The following SUGCT variants were observed in gnomAD, a reference collection of about 807,000 sequenced individuals.
SUGCT encodes the protein succinyl-CoA:glutarate CoA-transferase.
A neutral mutation model predicts 55.0 loss-of-function variants in SUGCT; 41 were observed. The observed-to-expected ratio is 0.74, with a 90% CI of 0.58 to 0.97. The LOEUF is 0.97. Among genes scored for constraint, SUGCT ranks in the 50% least tolerant of loss-of-function variants. The pLI is 0.00. For synonymous variants in SUGCT, 187 were observed against 200.4 expected (o/e 0.93, Z 0.56); for missense variants, 568 against 547.8 (o/e 1.04, Z -0.37).
chr7:40,636,867 T>C (rs1051646602), intron 12 of SUGCT, among the ~76,000 whole-genome samples: 1 of 152,220 alleles, frequency 6.6e-6, no homozygotes, highest in Non-Finnish European at 1.5e-5. Context: ...AAATGGTCCT[T>C]TTGGATACAT....
intron 12 of SUGCT, among the ~76,000 whole-genome samples, chr7:40,747,244 C>T (rs1044158877): frequency 3.9e-5 from 6 of 152,046 alleles, no homozygotes; most frequent in African/African-American, 9.7e-5. Context: ...GAGCATCACC[C>T]GAAAAGTGGT....
the SUGCT span, among the ~76,000 whole-genome samples, chr7:41,027,403 A>G: frequency 2.0e-5 from 3 of 152,242 alleles, no homozygotes; most frequent in Admixed American, 2.0e-4. Flanking sequence ...TGTGGTGACC[A>G]TGAGCAGAAA....
At chr7:40,821,092 C>T (rs921052893) in intron 13 of SUGCT, among the ~76,000 whole-genome samples, 2 of 152,182 alleles carry the variant, frequency 1.3e-5, no homozygotes, top group African/African-American at 4.8e-5. Context: ...GTTGAGCCAA[C>T]CTTGCATCCC....
At chr7:40,515,244 G>C (rs2151561529) in intron 12 of SUGCT, among the ~76,000 whole-genome samples, 1 of 152,214 alleles carries the variant, frequency 6.6e-6, no homozygotes, top group Admixed American at 6.5e-5. Flanking sequence ...TTGTCTTCCA[G>C]CTTTATAATT....
At chr7:40,915,274 C>T in the SUGCT span, among the ~76,000 whole-genome samples, 174 of 152,152 alleles carry the variant, frequency 1.1e-3, no homozygotes, top group Middle Eastern at 6.8e-3. Context: ...GACAGAGCAC[C>T]GGTCTTATCA....
chr7:40,893,014 TG>T, the SUGCT span, among the ~76,000 whole-genome samples: 2 of 151,080 alleles, frequency 1.3e-5, no homozygotes, highest in African/African-American at 2.4e-5. Flanking sequence ...GGAGCAGGAG[TG>T]GTTATATTTA....
rs1554338574 is a variant in SUGCT at position 40,439,061 on chromosome 7, G to GT, written c.817-10226_817-10225insT. On this transcript the variant is annotated intron_variant, in intron 9 of 13. Coordinates refer to ENST00000335693, the MANE Select transcript of SUGCT (RefSeq NM_001193313.2). ...GTATATATATATATGGTATATATAT[G>GT]GTGTATATATATATATATATATATA... Among the ~76,000 whole-genome samples, 44 of 51,870 alleles carry GT rather than the reference G, an allele frequency of 8.5e-4. 3 individuals are homozygous for GT. Among genetic ancestry groups the GT allele is most frequent in the African/African-American group, 5.1e-3 (43 of 8,432 alleles). The allele number at this position is 51,870 out of a possible 152,430, so 34.0% of individuals were successfully genotyped here. A position where few individuals can be genotyped will look rare whatever the true frequency, so the allele number is the denominator to read the frequency against.
chr7:40,890,819 G>T, the SUGCT span, among the ~76,000 whole-genome samples: 1 of 152,164 alleles, frequency 6.6e-6, no homozygotes, highest in East Asian at 1.9e-4. Flanking sequence ...GTAATCTAAA[G>T]AAATGGATAT....
chr7:40,960,401 TAC>T, the SUGCT span, among the ~76,000 whole-genome samples: 215 of 152,326 alleles, frequency 1.4e-3, 4 homozygotes, highest in Admixed American at 0.014. Context: ...TCAGTCATGG[TAC>T]ATAAATGACA....
At chr7:40,525,359 T>C (rs985769308) in intron 12 of SUGCT, among the ~76,000 whole-genome samples, 2 of 152,200 alleles carry the variant, frequency 1.3e-5, no homozygotes, top group Non-Finnish European at 2.9e-5. Flanking sequence ...GTAGCCAAGC[T>C]GTGAAGATGT....
At chr7:40,691,956 A>T (rs1243937510) in intron 12 of SUGCT, among the ~76,000 whole-genome samples, 18 of 152,322 alleles carry the variant, frequency 1.2e-4, no homozygotes, top group African/African-American at 3.6e-4. Context: ...TATTGAAATG[A>T]TCTATTTCAT....
At chr7:40,264,425 T>A (rs1412471870) in intron 7 of SUGCT, among the ~76,000 whole-genome samples, 1 of 152,164 alleles carries the variant, frequency 6.6e-6, no homozygotes, top group Non-Finnish European at 1.5e-5. Flanking sequence ...ATTTTTAGTA[T>A]CAATTAGTGG....
intron 1 of SUGCT, among the ~76,000 whole-genome samples, chr7:40,176,898 G>A (rs1784950687): frequency 6.7e-6 from 1 of 148,224 alleles, no homozygotes; most frequent in Admixed American, 6.9e-5. Flanking sequence ...ACTTGAACCT[G>A]GGAAGCGGAG....
intron 9 of SUGCT, among the ~76,000 whole-genome samples, chr7:40,374,370 T>C (rs1291137787): frequency 1.3e-5 from 2 of 152,170 alleles, no homozygotes; most frequent in East Asian, 1.9e-4. Context: ...TTCAGAAATA[T>C]TAATTCCCTT....
intron 10 of SUGCT, among the ~76,000 whole-genome samples, chr7:40,455,822 A>G (rs1391847228): frequency 6.6e-6 from 1 of 152,188 alleles, no homozygotes; most frequent in African/African-American, 2.4e-5. Context: ...CTGAGTTATC[A>G]TATTTTCTAT....
intron 3 of SUGCT, among the ~76,000 whole-genome samples, chr7:40,182,578 A>AAG (rs1269888228): frequency 2.3e-4 from 35 of 150,840 alleles, no homozygotes; most frequent in African/African-American, 8.1e-4. Flanking sequence ...AAAAAAAAAA[A>AAG]TGAAAAAAAA....
rs189847858 is a variant in SUGCT, at chr7:40,366,117, A to G, written c.816+49262A>G. On this transcript the variant is annotated intron_variant, in intron 9 of 13. Coordinates refer to ENST00000335693, the MANE Select transcript of SUGCT (RefSeq NM_001193313.2). ...CCCTCAGAAATAACGCCACATATCT[A>G]CAACTATCCGATCTTTGACAAACCT... 1.2e-3 allele frequency among the ~76,000 whole-genome samples: 178 copies of G among 152,314 alleles called. 2 individuals are homozygous for G. The highest frequency in any genetic ancestry group is 4.0e-3 in the African/African-American group (165 of 41,566).
chr7:40,895,570 A>T, the SUGCT span, among the ~76,000 whole-genome samples: 2 of 152,224 alleles, frequency 1.3e-5, no homozygotes, highest in Non-Finnish European at 2.9e-5. Flanking sequence ...GATACACCAT[A>T]TTAACAGAAT....
intron 9 of SUGCT, among the ~76,000 whole-genome samples, chr7:40,322,212 T>TGG (rs1177627097): frequency 4.6e-5 from 7 of 152,184 alleles, no homozygotes; most frequent in African/African-American, 1.7e-4. Context: ...CTGTTCTGAA[T>TGG]AGCATAAGAA....
Sources: allele counts gnomAD v4.1 joint callset (sites outside exome capture counted in the v4.1 genomes callset), GRCh38; gene constraint gnomAD v4.1.1; transcripts MANE v1.5; gene names NCBI Gene and HGNC (gene_info 2026-07-23, HGNC 2026-07-21).